Variants in LETMD1 observed in about 807,000 individuals in gnomAD.
The protein encoded by LETMD1 is LETM1 domain-containing protein 1.
A neutral mutation model predicts 43.9 loss-of-function variants in LETMD1; 30 were observed. The ratio of observed to expected loss-of-function variants is 0.68; its 90% CI spans 0.51 to 0.93. The LOEUF (loss-of-function observed/expected upper bound fraction) is 0.93, where lower values mean the gene tolerates loss of function less well. Ranked by LOEUF, LETMD1 falls within the 40% of genes least tolerant of loss-of-function variation. LETMD1 has a pLI of 0.00. For missense variants in LETMD1, 413 were observed against 447.7 expected, an observed-to-expected ratio of 0.92 and a Z score of 0.70; for synonymous variants, 176 against 163.1, an observed-to-expected ratio of 1.08 and a Z score of -0.60.
chr12:51,067,638 T>C, the LETMD1 span: 3 of 1,596,040 alleles, frequency 1.9e-6, no homozygotes, highest in Non-Finnish European at 2.6e-6. The surrounding 1 kb of genome is among the most constrained non-coding windows in gnomAD (Gnocchi z 4.1). Flanking sequence ...CTGACCCTGG[T>C]GTAGATATAC....
intron 3 of LETMD1, chr12:51,052,480 C>T (rs1427331064): frequency 5.2e-6 from 2 of 385,676 alleles, no homozygotes; most frequent in East Asian, 9.5e-5. Context: ...AGTTTCTGAA[C>T]ATAACAAAAG....
intron 3 of LETMD1, among the ~76,000 whole-genome samples, chr12:51,052,759 T>G (rs1382445304): frequency 6.6e-6 from 1 of 150,594 alleles, no homozygotes; most frequent in Non-Finnish European, 1.5e-5. Flanking sequence ...CCAGCCTGGG[T>G]GACAGGGCAA....
At chr12:51,054,779 C>G (rs765018609) in intron 4 of LETMD1, among the ~76,000 whole-genome samples, 2 of 152,144 alleles carry the variant, frequency 1.3e-5, no homozygotes, top group Non-Finnish European at 2.9e-5. Context: ...TGTTTTAAAA[C>G]CACCAAACAC....
At chr12:51,067,679 T>G in the LETMD1 span, 1 of 1,613,254 alleles carries the variant, frequency 6.2e-7, no homozygotes, top group Non-Finnish European at 8.5e-7. This position sits in a 1 kb window ranked among gnomAD's most constrained non-coding sequence, Gnocchi z 4.1. Flanking sequence ...TGACCTGGCA[T>G]TTAATCCCAG....
At chr12:51,066,640 CAA>C in the LETMD1 span, among the ~76,000 whole-genome samples, 1 of 145,348 alleles carries the variant, frequency 6.9e-6, no homozygotes, top group Non-Finnish European at 1.5e-5. Flanking sequence ...GACTCCGTCT[CAA>C]AAAAAAAAAA....
At chr12:51,067,434 T>C in the LETMD1 span, among the ~76,000 whole-genome samples, 4 of 151,824 alleles carry the variant, frequency 2.6e-5, no homozygotes, top group Non-Finnish European at 5.9e-5. The surrounding 1 kb of genome is among the most constrained non-coding windows in gnomAD (Gnocchi z 4.1). Context: ...CTTGACCTCC[T>C]GGACTCAAGA....
At chr12:51,066,735 T>TAA in the LETMD1 span, among the ~76,000 whole-genome samples, 1 of 152,218 alleles carries the variant, frequency 6.6e-6, no homozygotes, top group African/African-American at 2.4e-5. Context: ...TCCTGAATTA[T>TAA]AAAGCTCTGA....
At chr12:51,059,064 A>G (rs771506516) in intron 8 of LETMD1, 12 of 381,830 alleles carry the variant, frequency 3.1e-5, no homozygotes, top group Non-Finnish European at 6.0e-5. Context: ...ATGTCCCTAG[A>G]GCACCAACTT....
At chr12:51,058,929 T>C in intron 8 of LETMD1, 2 of 196,604 alleles carry the variant, frequency 1.0e-5, no homozygotes, top group Non-Finnish European at 2.1e-5. Flanking sequence ...AAAAACAGTC[T>C]GCTGACCAAA....
chr12:51,049,961 C>T (rs949216203), intron 2 of LETMD1, among the ~76,000 whole-genome samples: 8 of 152,130 alleles, frequency 5.3e-5, no homozygotes, highest in East Asian at 1.9e-4. Context: ...AAAGTAATTG[C>T]GGCTTTTGGC....
chr12:51,062,761 C>T (rs1937704474), downstream of LETMD1: 2 of 152,446 alleles, frequency 1.3e-5, no homozygotes, highest in Admixed American at 1.3e-4. Flanking sequence ...AAGATTGCCA[C>T]ATTCTACATT....
the LETMD1 span, among the ~76,000 whole-genome samples, chr12:51,068,214 G>C: frequency 6.6e-6 from 1 of 152,222 alleles, no homozygotes; most frequent in Non-Finnish European, 1.5e-5. Flanking sequence ...CGGGAGTGCA[G>C]TGGTGCAGTC....
chr12:51,059,466 C>T lies in LETMD1; in HGVS notation c.*35C>T, dbSNP rs778911741. On this transcript the variant is annotated 3_prime_UTR_variant, in exon 9 of 9. Transcript: ENST00000262055. ...GGAGCGGATGGCATTGTCCTGCAGT[C>T]GTATAGTATAGCAGTGCAGGAACAA... 113 of 1,578,568 alleles carry T rather than the reference C, an allele frequency of 7.2e-5. 2 individuals carry two copies. In the South Asian group the frequency reaches 9.0e-4, roughly 13 times the overall value.
chr12:51,053,830 C>CT lies in LETMD1; in HGVS notation c.447dup (p.Ala150CysfsTer29). 1.2e-6 allele frequency: 2 copies of CT among 1,612,970 alleles called. No homozygotes were observed. Among genetic ancestry groups the CT allele is most frequent in the Non-Finnish European group, 1.7e-6 (2 of 1,179,170 alleles). On this transcript the variant is annotated frameshift_variant, in exon 4 of 9. Coordinates refer to ENST00000262055, the MANE Select transcript of LETMD1 (RefSeq NM_015416.5). LOFTEE classifies it high-confidence loss of function. ...TTCCTAGGTATTATTTCCATTCCAC[C>CT]TTTTGCCAACTACCTGGTCTTCTTG...
At chr12:51,056,809 C>T (rs147126340) in intron 7 of LETMD1, 2,648 of 225,320 alleles carry the variant, frequency 0.012, 29 homozygotes, top group South Asian at 0.021. Flanking sequence ...TGCACCACCA[C>T]GCCCAGCTAA....
At chr12:51,064,336 T>C, downstream of LETMD1, 1 of 1,614,212 alleles carries the variant, frequency 6.2e-7, no homozygotes, top group Non-Finnish European at 8.5e-7. Flanking sequence ...GAGTCCAGGC[T>C]GGCACTAGAG....
chr12:51,065,796 T>C, the LETMD1 span, among the ~76,000 whole-genome samples: 2 of 152,116 alleles, frequency 1.3e-5, no homozygotes, highest in Admixed American at 6.6e-5. Flanking sequence ...CAGGTGTGTG[T>C]GTAACAGAAT....
In LETMD1 at chr12:51,052,138, G is replaced by A. The variant is rs754373384; in HGVS notation, c.321G>A (p.Lys107=). 11 of 1,613,992 alleles carry A rather than the reference G, an allele frequency of 6.8e-6. No homozygotes were observed. The highest frequency in any genetic ancestry group is 9.3e-6 in the Non-Finnish European group (11 of 1,179,916). ...ATGCCAAAAAGGCTAGAAGAATAAA[G>A]ACAAATATGTGGAAGCACAATATAA... ...WADAKKARRI[K]TNMWKHNIKF... is the part of the protein sequence containing the mutation. The change falls in exon 3 of 9, where the codon AAG becomes AAA. Residue 107 remains lysine (K), a synonymous_variant. Coordinates refer to ENST00000262055, the MANE Select transcript of LETMD1 (RefSeq NM_015416.5).
chr12:51,056,933 G>T, intron 7 of LETMD1: 1 of 159,652 alleles, frequency 6.3e-6, no homozygotes, highest in Non-Finnish European at 1.4e-5. Flanking sequence ...GTGAGCTACC[G>T]CACCCAGCAT....
Sources: allele counts gnomAD v4.1 joint callset (sites outside exome capture counted in the v4.1 genomes callset), GRCh38; gene constraint gnomAD v4.1.1; non-coding constraint Gnocchi (gnomAD v3.1); transcripts MANE v1.5; gene names NCBI Gene and HGNC (gene_info 2026-07-23, HGNC 2026-07-21).